Variants in RTKN2 observed in about 807,000 individuals in gnomAD.
The protein encoded by RTKN2 is rhotekin-2.
Under a neutral mutation model 71.5 loss-of-function variants are expected in RTKN2, and 69 were observed. The ratio of observed to expected loss-of-function variants is 0.96; its 90% CI spans 0.79 to 1.18. The LOEUF is 1.18. Ranked by LOEUF, RTKN2 falls within the 50% of genes most tolerant of loss-of-function variation. The probability of loss-of-function intolerance (pLI) is 0.00; values close to 1 mark genes in which losing one functional copy is unlikely to be tolerated. For missense variants in RTKN2, 724 were observed against 719.7 expected (o/e 1.01, Z -0.07); for synonymous variants, 236 against 236.5 (o/e 1.00, Z 0.02).
At chr10:62,268,420 C>CT (rs1012239919) in intron 1 of RTKN2, 131 bp downstream of exon 1, 241 of 909,184 alleles carry the variant, frequency 2.7e-4, no homozygotes, top group Non-Finnish European at 4.3e-5. Flanking sequence ...TAATCCCTCC[C>CT]TTTGTTTCTG....
rs566015363 is a variant in RTKN2, at chr10:62,206,465, A to G, written c.1021-1443T>C. Reference sequence around the variant, plus strand: ...GGATAAATACAGGCAGGTGAACACCATATATACTACACAAGGAATTCCCTT... The same window carrying G: ...GGATAAATACAGGCAGGTGAACACCGTATATACTACACAAGGAATTCCCTT... On this transcript the variant is annotated intron_variant, in intron 9 of 11. Coordinates refer to ENST00000373789, the MANE Select transcript of RTKN2 (RefSeq NM_145307.4). Among the ~76,000 whole-genome samples, 20 of 152,268 alleles carry G rather than the reference A, an allele frequency of 1.3e-4. No individual in the cohort carries two copies. The East Asian group carries it at 3.7e-3, about 28-fold the overall frequency.
rs1256685810 is a variant in RTKN2 at position 62,217,097 on chromosome 10, TCAAAATAG to T, written c.1020+13_1020+20del. On this transcript the variant is annotated intron_variant, in intron 9 of 11. Transcript: ENST00000373789. Reference sequence around the variant, plus strand: ...ACTTCCTAAGATGTATATTTTTTTCTCAAAATAGCATTTCCTTTACCTTGTTAATGGGT... The same window carrying T: ...ACTTCCTAAGATGTATATTTTTTTCTCATTTCCTTTACCTTGTTAATGGGT... 2 of 1,542,090 alleles carry T rather than the reference TCAAAATAG, an allele frequency of 1.3e-6. No homozygotes were observed. The highest frequency in any genetic ancestry group is 2.2e-5 in the Admixed American group (1 of 46,432).
Position 62,236,205 on chromosome 10 carries a change from C to T in RTKN2, c.547G>A (p.Glu183Lys), listed in dbSNP as rs148879151. The T allele has an allele frequency of 9.3e-6, 15 of 1,611,994 alleles. No homozygotes were observed. In the African/African-American group the frequency reaches 1.7e-4, roughly 19 times the overall value. Reference sequence around the variant, plus strand: ...TTTGGTGTGTTGGTTATAGAAGATTCTTCTGTACAGCAACTATACACTTCC... The same window carrying T: ...TTTGGTGTGTTGGTTATAGAAGATTTTTCTGTACAGCAACTATACACTTCC... The part of the protein sequence containing the change: ...KVEVYSCCTE[E>K]SSITNTPKKL... The change falls in exon 6 of 12, where the codon GAA becomes AAA. Residue 183 changes from glutamate (E) to lysine (K), a missense_variant. Physicochemically the swap from Glu to Lys is moderately conservative, Grantham distance 56 (BLOSUM62 1). Coordinates refer to ENST00000373789, the MANE Select transcript of RTKN2 (RefSeq NM_145307.4).
In RTKN2 at chr10:62,197,445, T is replaced by C. The variant is rs1351536139; in HGVS notation, c.*463A>G. On this transcript the variant is annotated 3_prime_UTR_variant, in exon 12 of 12. Transcript: ENST00000373789. ...CCATTAGATGAGAATTCCAGAATGC[T>C]AAGAAAATTTTCTTGGGTGGATTCT... The C allele has an allele frequency of 1.0e-6, 1 of 986,360 alleles. No individual in the cohort carries two copies. Among genetic ancestry groups the C allele is most frequent in the African/African-American group, 1.7e-5 (1 of 57,250 alleles). The allele number at this position is 986,360 out of a possible 1,614,324, so 61.1% of individuals were successfully genotyped here.
intron 2 of RTKN2, among the ~76,000 whole-genome samples, chr10:62,254,220 AG>A (rs889681504): frequency 6.6e-6 from 1 of 152,130 alleles, no homozygotes; most frequent in African/African-American, 2.4e-5. Flanking sequence ...ACCTGGTGGG[AG>A]GTGATTGAAT....
rs1842714829 is a variant in RTKN2, at chr10:62,258,509, A to C, written c.257+4116T>G. On this transcript the variant is annotated intron_variant, in intron 2 of 11. Transcript: ENST00000373789. Reference sequence around the variant, plus strand: ...TATATGATCATTTCTATGTCTGCCTATTCTTAAATATTTTCCCTAAAAACT... The same window carrying C: ...TATATGATCATTTCTATGTCTGCCTCTTCTTAAATATTTTCCCTAAAAACT... Among the ~76,000 whole-genome samples, 3 of 152,176 alleles carry C rather than the reference A, an allele frequency of 2.0e-5. No homozygotes were observed. The South Asian group carries it at 6.2e-4, about 31-fold the overall frequency.
intron 9 of RTKN2, among the ~76,000 whole-genome samples, chr10:62,207,144 G>C (rs906505843): frequency 6.6e-6 from 1 of 151,962 alleles, no homozygotes; most frequent in African/African-American, 2.4e-5. Flanking sequence ...CTTTAAATAA[G>C]GGAAATTTGA....
intron 5 of RTKN2, among the ~76,000 whole-genome samples, chr10:62,237,183 T>A (rs1345399825): frequency 1.3e-5 from 2 of 151,984 alleles, no homozygotes; most frequent in Non-Finnish European, 2.9e-5. Flanking sequence ...TATAGTAACA[T>A]TTTACTATTT....
chr10:62,229,375 G>A (rs1312582404), intron 6 of RTKN2, among the ~76,000 whole-genome samples: 1 of 152,132 alleles, frequency 6.6e-6, no homozygotes, highest in East Asian at 1.9e-4. Context: ...ATTGAAAGAG[G>A]ACAAGATTAC....
chr10:62,214,829 T>C (rs569469277), intron 9 of RTKN2, among the ~76,000 whole-genome samples: 2 of 152,236 alleles, frequency 1.3e-5, no homozygotes, highest in African/African-American at 4.8e-5. Context: ...CCAAATCTGG[T>C]CTAGCAGTAC....
chr10:62,249,856 T>C (rs1056159247), intron 2 of RTKN2, among the ~76,000 whole-genome samples: 3 of 152,200 alleles, frequency 2.0e-5, no homozygotes, highest in Non-Finnish European at 4.4e-5. Flanking sequence ...GTATTTAGGT[T>C]GGGGCTCACA....
At chr10:62,227,997 T>G (rs899248544) in intron 6 of RTKN2, among the ~76,000 whole-genome samples, 1 of 152,110 alleles carries the variant, frequency 6.6e-6, no homozygotes, top group African/African-American at 2.4e-5. Flanking sequence ...GAGGTAAGAA[T>G]TCAGTTTGGG....
Position 62,246,005 on chromosome 10 carries a change from T to C in RTKN2, c.310A>G (p.Ile104Val), listed in dbSNP as rs944812986. 7.0e-6 allele frequency: 11 copies of C among 1,581,336 alleles called. No individual in the cohort carries two copies. The highest frequency in any genetic ancestry group is 1.4e-5 in the African/African-American group (1 of 73,738). The change falls in exon 3 of 12, where the codon ATA (isoleucine) becomes GTA (valine). Residue 104 changes from isoleucine (I) to valine (V), a missense_variant. Coordinates refer to ENST00000373789, the MANE Select transcript of RTKN2 (RefSeq NM_145307.4). ...AGATTCATTTATAGCATACCTGATA[T>C]GGCAATCTTTCCTTTACATGCTGTT... Reference protein sequence around the residue: ...ERTACKGKIAISDIRIPLMWK... With the variant: ...ERTACKGKIAVSDIRIPLMWK...
At chr10:62,261,171 T>C (rs150163380) in intron 2 of RTKN2, among the ~76,000 whole-genome samples, 260 of 152,356 alleles carry the variant, frequency 1.7e-3, no homozygotes, top group African/African-American at 6.1e-3. Context: ...ATTATGCTAA[T>C]GGAACAATTT....
chr10:62,268,493 C>T, intron 1 of RTKN2, 58 bp downstream of exon 1: 3 of 1,480,392 alleles, frequency 2.0e-6, no homozygotes, highest in Non-Finnish European at 1.8e-6. Flanking sequence ...AGCAAATGCG[C>T]GAGGAACAGA....
At chr10:62,255,511 A>C (rs1428818604) in intron 2 of RTKN2, among the ~76,000 whole-genome samples, 1 of 152,234 alleles carries the variant, frequency 6.6e-6, no homozygotes, top group Non-Finnish European at 1.5e-5. Context: ...GACTAAAGAG[A>C]GGATTGTCCT....
chr10:62,198,570 G>A (rs1015260449), intron 11 of RTKN2, 127 bp from the exon 12 acceptor site: 10 of 682,126 alleles, frequency 1.5e-5, no homozygotes, highest in African/African-American at 3.7e-5. Flanking sequence ...TAAGGAAAAC[G>A]TTCACTTGTA....
In RTKN2 at chr10:62,236,265, T is replaced by C. The variant is rs1564517656; in HGVS notation, c.489-2A>G. 6.3e-7 allele frequency: 1 copy of C among 1,586,696 alleles called. No homozygotes were observed. Among genetic ancestry groups the C allele is most frequent in the Non-Finnish European group, 8.6e-7 (1 of 1,161,102 alleles). ...TGAAAGTCTGGCCCTGCTTCATTACTAAAAACAAGGGCATTCATAATGTTG... is the reference window on the plus strand; with the variant it reads ...TGAAAGTCTGGCCCTGCTTCATTACCAAAAACAAGGGCATTCATAATGTTG... On this transcript the variant is annotated splice_acceptor_variant, in intron 5 of 11. Coordinates refer to ENST00000373789, the MANE Select transcript of RTKN2 (RefSeq NM_145307.4). LOFTEE classifies it high-confidence loss of function.
intron 2 of RTKN2, among the ~76,000 whole-genome samples, chr10:62,257,999 T>C (rs1285289600): frequency 6.6e-6 from 1 of 152,206 alleles, no homozygotes; most frequent in Non-Finnish European, 1.5e-5. Flanking sequence ...GTACTAGGTA[T>C]TTCATACCCA....
Sources: allele counts gnomAD v4.1 joint callset (sites outside exome capture counted in the v4.1 genomes callset), GRCh38; gene constraint gnomAD v4.1.1; transcripts MANE v1.5; gene names NCBI Gene and HGNC (gene_info 2026-07-23, HGNC 2026-07-21).